ELP4: variants seen among roughly 807,000 people sequenced by gnomAD.
ELP4 encodes elongator acetyltransferase complex subunit 4, also known as elongator complex protein 4.
In ELP4, 51 loss-of-function variants were observed where a neutral mutation model predicts 48.9. That is an observed-to-expected ratio of 1.04 (90% CI 0.83 to 1.32). The LOEUF (loss-of-function observed/expected upper bound fraction) is 1.32. Ranked by LOEUF, ELP4 falls within the 40% of genes most tolerant of loss-of-function variation. The probability of loss-of-function intolerance (pLI) is 0.00; values close to 1 mark genes in which losing one functional copy is unlikely to be tolerated. For synonymous variants in ELP4, 210 were observed against 189.2 expected (o/e 1.11, Z -0.90); for missense variants, 519 against 514.6 (o/e 1.01, Z -0.08).
intron 6 of ELP4, among the ~76,000 whole-genome samples, chr11:31,629,049 GA>G (rs1408310958): frequency 1.3e-5 from 2 of 151,938 alleles, no homozygotes; most frequent in African/African-American, 4.8e-5. Flanking sequence ...CTAAGGAACA[GA>G]ATATTGTATA....
intron 9 of ELP4, among the ~76,000 whole-genome samples, chr11:31,755,601 A>C (rs916613466): frequency 5.1e-4 from 77 of 152,312 alleles, no homozygotes; most frequent in African/African-American, 1.7e-3. Context: ...ATTCTATAAA[A>C]TAACTGATCA....
intron 9 of ELP4, chr11:31,652,311 AAATT>A (rs1026891968): frequency 4.6e-5 from 7 of 151,740 alleles, no homozygotes; most frequent in South Asian, 2.1e-4. Flanking sequence ...GAAAAAATAA[AAATT>A]AAGGAATCAA....
intron 9 of ELP4, chr11:31,780,735 A>G (rs1948353709): frequency 6.6e-6 from 1 of 152,256 alleles, no homozygotes; most frequent in South Asian, 2.1e-4. Flanking sequence ...AGGCCAAGAA[A>G]TGCTGAGCCA....
intron 5 of ELP4, among the ~76,000 whole-genome samples, chr11:31,613,632 T>C (rs937249874): frequency 6.6e-6 from 1 of 152,000 alleles, no homozygotes; most frequent in African/African-American, 2.4e-5. Flanking sequence ...TATTTGCCTC[T>C]GGGTGGTGGA....
intron 3 of ELP4, among the ~76,000 whole-genome samples, chr11:31,577,509 C>A (rs1026578842): frequency 6.6e-6 from 1 of 151,920 alleles, no homozygotes; most frequent in African/African-American, 2.4e-5. Context: ...AATTTTAGAC[C>A]AATATCCCTG....
intron 2 of ELP4, among the ~76,000 whole-genome samples, chr11:31,538,420 AAT>A (rs755982321): frequency 1.1e-4 from 17 of 148,258 alleles, no homozygotes; most frequent in Non-Finnish European, 2.1e-4. Context: ...ATATGATTAT[AAT>A]ATATATAATT....
rs185446152 is a variant in ELP4 at position 31,598,243 on chromosome 11, C to T, written c.513+3342C>T. 1.8e-3 allele frequency among the ~76,000 whole-genome samples: 272 copies of T among 151,890 alleles called. 2 individuals carry two copies. Among genetic ancestry groups the T allele is most frequent in the Non-Finnish European group, 9.3e-4 (63 of 67,934 alleles). On this transcript the variant is annotated intron_variant, in intron 4 of 9. Coordinates refer to ENST00000640961, the MANE Select transcript of ELP4 (RefSeq NM_019040.5). The stretch of plus-strand genomic sequence containing the variant: ...TGTTGGGATTACAGGTGTGAGCCAC[C>T]GCACCTGGCCAGCCTTTTCTTTTAT...
rs1948543893 is a variant in ELP4, at chr11:31,785,483, G to T, written c.*1959G>T. On this transcript the variant is annotated 3_prime_UTR_variant, in exon 10 of 10. Transcript: ENST00000640961. Reference sequence around the variant, plus strand: ...CTAGTTAATATATGCTTTGCAAATAGATAACTACTATAAAAATTGAATATG... The same window carrying T: ...CTAGTTAATATATGCTTTGCAAATATATAACTACTATAAAAATTGAATATG... 5.3e-6 allele frequency: 1 copy of T among 188,498 alleles called. No homozygotes were observed. The highest frequency in any genetic ancestry group is 1.1e-5 in the Non-Finnish European group (1 of 89,636). 11.7% of individuals were successfully genotyped at this position (188,498 alleles called of 1,614,324 possible).
intron 9 of ELP4, chr11:31,664,220 A>G (rs1945622630): frequency 6.6e-6 from 1 of 152,184 alleles, no homozygotes; most frequent in Non-Finnish European, 1.5e-5. Context: ...TTGTTGTCAG[A>G]GTAGTTCCCG....
chr11:31,728,562 A>G (rs1397867177), intron 9 of ELP4, among the ~76,000 whole-genome samples: 4 of 152,222 alleles, frequency 2.6e-5, no homozygotes, highest in Admixed American at 6.5e-5. Flanking sequence ...GCCTGTATCT[A>G]TATAGATATA....
intron 5 of ELP4, among the ~76,000 whole-genome samples, chr11:31,605,552 G>A (rs1482783796): frequency 6.6e-6 from 1 of 152,012 alleles, no homozygotes; most frequent in Non-Finnish European, 1.5e-5. Flanking sequence ...TTAACAGAGT[G>A]CTTAGGAAAA....
chr11:31,735,570 A>G (rs1947293699), intron 9 of ELP4, among the ~76,000 whole-genome samples: 1 of 152,158 alleles, frequency 6.6e-6, no homozygotes, highest in African/African-American at 2.4e-5. Flanking sequence ...GTATATCTAG[A>G]AAACCCCATC....
intron 3 of ELP4, among the ~76,000 whole-genome samples, chr11:31,593,122 C>A (rs1957612771): frequency 6.6e-6 from 1 of 152,196 alleles, no homozygotes; most frequent in Admixed American, 6.5e-5. Flanking sequence ...TGACTTCTCA[C>A]AATCTAACAT....
chr11:31,614,696 G>A (rs537426514), intron 5 of ELP4, among the ~76,000 whole-genome samples: 1 of 152,176 alleles, frequency 6.6e-6, no homozygotes, highest in Admixed American at 6.6e-5. Flanking sequence ...CAGATAATAC[G>A]CAATGAGAAC....
At chr11:31,538,337 CTAT>C (rs1956537022) in intron 2 of ELP4, among the ~76,000 whole-genome samples, 1 of 147,534 alleles carries the variant, frequency 6.8e-6, no homozygotes, top group Non-Finnish European at 1.5e-5. Flanking sequence ...TATAATTACT[CTAT>C]TATATTGCAT....
chr11:31,648,371 C>T (rs2134070968), intron 8 of ELP4: 1 of 150,308 alleles, frequency 6.7e-6, no homozygotes, highest in East Asian at 2.0e-4. Context: ...AAAATATTGC[C>T]ACCTTGATAT....
At chr11:31,707,691 A>T (rs1266385833) in intron 9 of ELP4, among the ~76,000 whole-genome samples, 1 of 152,198 alleles carries the variant, frequency 6.6e-6, no homozygotes, top group African/African-American at 2.4e-5. Context: ...TAGAGGTCAG[A>T]GGTCCACAGT....
intron 9 of ELP4, among the ~76,000 whole-genome samples, chr11:31,706,687 C>G (rs1182855811): frequency 6.6e-6 from 1 of 151,200 alleles, no homozygotes; most frequent in East Asian, 1.9e-4. Context: ...TTCTATCTAG[C>G]TATAAATGTA....
chr11:31,579,357 C>T (rs915477867), intron 3 of ELP4, among the ~76,000 whole-genome samples: 1 of 152,166 alleles, frequency 6.6e-6, no homozygotes, highest in African/African-American at 2.4e-5. Flanking sequence ...CTAGTTCAAC[C>T]ATTGTGGAAG....
Sources: gnomAD v4.1 joint callset for allele counts (sites outside exome capture counted in the v4.1 genomes callset) on GRCh38, gnomAD v4.1.1 for gene constraint, MANE v1.5 for transcripts, NCBI Gene and HGNC (gene_info 2026-07-23, HGNC 2026-07-21) for gene names.